TRIM37: variants seen among roughly 807,000 people sequenced by gnomAD.
TRIM37 encodes the protein E3 ubiquitin-protein ligase TRIM37.
TRIM37 carries 80 observed loss-of-function variants against 129.8 expected under a neutral mutation model. The ratio of observed to expected loss-of-function variants is 0.62; its 90% CI spans 0.51 to 0.74. The LOEUF is 0.74. Among genes scored for constraint, TRIM37 ranks in the 30% least tolerant of loss-of-function variants. The pLI is 0.00. For missense variants in TRIM37, 1,054 were observed against 1,176.5 expected, an observed-to-expected ratio of 0.90 and a Z score of 1.52; for synonymous variants, 389 against 387.1, an observed-to-expected ratio of 1.00 and a Z score of -0.06.
chr17:59,059,754 T>C (rs2041307188), intron 12 of TRIM37, among the ~76,000 whole-genome samples: 1 of 152,240 alleles, frequency 6.6e-6, no homozygotes, highest in African/African-American at 2.4e-5. Flanking sequence ...TTGAAAACAA[T>C]TTGATCCTTT....
chr17:59,087,887 C>A, intron 4 of TRIM37: 1 of 262,266 alleles, frequency 3.8e-6, no homozygotes, highest in Non-Finnish European at 7.3e-6. Context: ...TAACAACTCT[C>A]CAGATATGTT....
intron 24 of TRIM37, among the ~76,000 whole-genome samples, chr17:58,988,276 T>C (rs1384592527): frequency 1.3e-5 from 2 of 152,090 alleles, no homozygotes; most frequent in African/African-American, 2.4e-5. Flanking sequence ...CAGAAAATAC[T>C]GTAAAGAGCC....
intron 9 of TRIM37, among the ~76,000 whole-genome samples, chr17:59,065,230 T>C (rs530020780): frequency 2.0e-5 from 3 of 152,282 alleles, no homozygotes; most frequent in South Asian, 4.1e-4. Context: ...GAAACAGATA[T>C]AAAACATCCT....
intron 16 of TRIM37, among the ~76,000 whole-genome samples, chr17:59,042,431 TAAAAAA>T (rs71145517): frequency 2.6e-5 from 2 of 76,724 alleles, no homozygotes; most frequent in African/African-American, 1.3e-4. Context: ...AAAAGGAATT[TAAAAAA>T]AAAAAAAAAA....
At chr17:59,079,081 CTTAT>C (rs1365498085) in intron 7 of TRIM37, among the ~76,000 whole-genome samples, 1 of 151,306 alleles carries the variant, frequency 6.6e-6, no homozygotes, top group African/African-American at 2.4e-5. Flanking sequence ...TTGTTCACAC[CTTAT>C]TTAAAGTATA....
chr17:58,983,383 C>CTGAT (rs1297755385), intron 24 of TRIM37: 1 of 154,012 alleles, frequency 6.5e-6, no homozygotes, highest in African/African-American at 2.4e-5. Context: ...GGTTATTGGT[C>CTGAT]TGATATATGC....
chr17:58,984,350 T>C (rs2031594702), intron 24 of TRIM37: 1 of 152,656 alleles, frequency 6.6e-6, no homozygotes, highest in South Asian at 2.1e-4. Flanking sequence ...AAATGATGCA[T>C]GGCCAAGTTC....
chr17:58,989,096 AG>A (rs1198865415), intron 24 of TRIM37, among the ~76,000 whole-genome samples: 4 of 152,260 alleles, frequency 2.6e-5, no homozygotes, highest in African/African-American at 9.6e-5. Context: ...TGAAAAGCCA[AG>A]AAGAAAACAT....
rs1208174904 is a variant in TRIM37 at position 59,106,508 on chromosome 17, G to A, written c.-47C>T. On this transcript the variant is annotated 5_prime_UTR_variant, in exon 1 of 24. Transcript: ENST00000262294. ...CCGCTGGCGACCCGCAGGCTCCGCA[G>A]TCTGACCTCTTAGGCGCCGGCCCGA... The A allele has an allele frequency of 1.9e-6, 3 of 1,612,144 alleles. No homozygotes were observed. Among genetic ancestry groups the A allele is most frequent in the East Asian group, 2.2e-5 (1 of 44,766 alleles).
chr17:59,056,973 A>C lies in TRIM37; in HGVS notation c.1101T>G (p.Phe367Leu), dbSNP rs2146362880. 6.2e-7 allele frequency: 1 copy of C among 1,613,902 alleles called. No homozygotes were observed. The highest frequency in any genetic ancestry group is 1.7e-5 in the Admixed American group (1 of 60,018). Residue 367 changes from phenylalanine (F) to leucine (L), a missense_variant, in exon 13 of 24, where the codon TTT (phenylalanine) becomes TTG (leucine). This residue lies in a region of TRIM37 where 752 missense variants were observed against 870.8 expected (regional missense o/e 0.86). Coordinates refer to ENST00000262294, the MANE Select transcript of TRIM37 (RefSeq NM_015294.6). ...KNIIREFASD[F>L]EVGECWGYNR... The stretch of plus-strand genomic sequence containing the variant: ...TATAGCCCCAGCATTCTCCAACTTC[A>C]AAGTCAGATGCAAATTCTCGAATGA...
At chr17:59,000,024 T>C (rs2033485665) in intron 23 of TRIM37, among the ~76,000 whole-genome samples, 1 of 152,054 alleles carries the variant, frequency 6.6e-6, no homozygotes, top group African/African-American at 2.4e-5. Flanking sequence ...AAGCAGAAAA[T>C]GGCATAGGCT....
At chr17:58,972,292 T>G in the TRIM37 span, 2 of 1,607,164 alleles carry the variant, frequency 1.2e-6, no homozygotes, top group South Asian at 1.1e-5. Context: ...ATGGTCTGTT[T>G]TAATAGAGCC....
chr17:58,995,534 A>G (rs894670632), downstream of TRIM37, among the ~76,000 whole-genome samples: 1 of 152,240 alleles, frequency 6.6e-6, no homozygotes, highest in African/African-American at 2.4e-5. Flanking sequence ...TAACTCAAAA[A>G]TAAATATCCA....
intron 19 of TRIM37, 83 bp downstream of exon 19, chr17:59,028,332 T>A: frequency 2.2e-6 from 3 of 1,337,118 alleles, no homozygotes; most frequent in Non-Finnish European, 3.1e-6. Context: ...GAGTGGTATT[T>A]AAATATTATT....
intron 2 of TRIM37, among the ~76,000 whole-genome samples, chr17:59,096,940 G>A (rs2044945096): frequency 6.6e-6 from 1 of 152,064 alleles, no homozygotes; most frequent in African/African-American, 2.4e-5. Context: ...GTGGCCAAGT[G>A]GGATTTATTC....
At chr17:59,084,181 T>A in intron 4 of TRIM37, 92 bp from the exon 5 acceptor site, 1 of 914,982 alleles carries the variant, frequency 1.1e-6, no homozygotes. Flanking sequence ...AGGTCAGTTT[T>A]AAATGATTAT....
At chr17:59,004,107 AG>A (rs2144620201) in intron 22 of TRIM37, among the ~76,000 whole-genome samples, 2 of 152,026 alleles carry the variant, frequency 1.3e-5, no homozygotes, top group South Asian at 4.2e-4. Flanking sequence ...CAAGACCCTG[AG>A]GGACAGAGGA....
chr17:59,012,227 GCACCACCAC>G (rs1555639577), intron 22 of TRIM37, 92 bp downstream of exon 22: 5 of 610,752 alleles, frequency 8.2e-6, no homozygotes, highest in Middle Eastern at 5.9e-4. Flanking sequence ...AGCAGCAGCA[GCACCACCAC>G]CACCACCACC....
chr17:59,028,549 T>A lies in TRIM37; in HGVS notation c.2123A>T (p.Asp708Val). ...EIKSSSAASG[D>V]MQTSLFSADQ... ...AGCAGAAAAAAGGCTTGTCTGCATG[T>A]CTCCAGAAGCAGCACTGCTGCTTTT... The change falls in exon 19 of 24, where the codon GAC (aspartate) becomes GTC (valine). Residue 708 changes from aspartate to valine, a missense_variant. By Grantham distance (152) the Asp-to-Val change is radical. This residue lies in a region of TRIM37 where 752 missense variants were observed against 870.8 expected (regional missense o/e 0.86). Coordinates refer to ENST00000262294, the MANE Select transcript of TRIM37 (RefSeq NM_015294.6). The A allele has an allele frequency of 6.2e-7, 1 of 1,614,236 alleles. No homozygotes were observed. Among genetic ancestry groups the A allele is most frequent in the Non-Finnish European group, 8.5e-7 (1 of 1,180,038 alleles).
Sources: gnomAD v4.1 joint callset for allele counts (sites outside exome capture counted in the v4.1 genomes callset) on GRCh38, gnomAD v4.1.1 for gene constraint, gnomAD v4.1.1 regional missense constraint, MANE v1.5 for transcripts, NCBI Gene and HGNC (gene_info 2026-07-23, HGNC 2026-07-21) for gene names.